Variants in HLCS observed in about 807,000 individuals in gnomAD.
HLCS encodes biotin--protein ligase.
HLCS carries 53 observed loss-of-function variants against 75.0 expected under a neutral mutation model. The ratio of observed to expected loss-of-function variants is 0.71; its 90% CI spans 0.57 to 0.89. HLCS has a LOEUF of 0.89. Among genes scored for constraint, HLCS ranks in the 40% least tolerant of loss-of-function variants. HLCS has a pLI of 0.00. For synonymous variants in HLCS, 431 were observed against 428.6 expected (o/e 1.01, Z -0.07); for missense variants, 966 against 1,074.0 (o/e 0.90, Z 1.41).
At chr21:36,870,237 C>T (rs1416991544) in intron 6 of HLCS, among the ~76,000 whole-genome samples, 1 of 152,054 alleles carries the variant, frequency 6.6e-6, no homozygotes, top group Non-Finnish European at 1.5e-5. Flanking sequence ...TGAGAAGCTG[C>T]GTCTGGACCA....
At chr21:36,770,788 G>A (rs2060180757) in intron 6 of HLCS, among the ~76,000 whole-genome samples, 1 of 151,912 alleles carries the variant, frequency 6.6e-6, no homozygotes, top group African/African-American at 2.4e-5. Context: ...CCCAGGCTGG[G>A]TAACCTTTTG....
In HLCS at chr21:36,821,427, G is replaced by A. The variant is rs563173958; in HGVS notation, c.1893-54142C>T. 7.9e-5 allele frequency among the ~76,000 whole-genome samples: 12 copies of A among 152,328 alleles called. No homozygotes were observed. The South Asian group carries it at 1.2e-3, about 16-fold the overall frequency. On this transcript the variant is annotated intron_variant, in intron 6 of 10. Transcript: ENST00000674895. The stretch of plus-strand genomic sequence containing the variant: ...GGTTGACTACAATTGCTAGACATCC[G>A]TTCATTCACTTATTCATTCAGTTCA...
intron 1 of HLCS, among the ~76,000 whole-genome samples, chr21:36,964,652 T>G (rs917411979): frequency 6.6e-5 from 10 of 152,110 alleles, no homozygotes; most frequent in African/African-American, 2.4e-4. Context: ...AGTTACAGAA[T>G]CCATGAAAGC....
At chr21:36,906,070 C>CAAAAAAAAAAAAAAAAAAAAAAA (rs2065442294) in intron 5 of HLCS, among the ~76,000 whole-genome samples, 1 of 128,754 alleles carries the variant, frequency 7.8e-6, no homozygotes, top group Non-Finnish European at 1.7e-5. Flanking sequence ...AAAAACAAAA[C>CAAAAAAAAAAAAAAAAAAAAAAA]AAAAATTGGG....
intron 6 of HLCS, among the ~76,000 whole-genome samples, chr21:36,774,701 G>A (rs2060305297): frequency 6.6e-6 from 1 of 152,270 alleles, no homozygotes; most frequent in Middle Eastern, 3.4e-3. Context: ...ACACACTAAG[G>A]TGATCTCTAT....
chr21:36,908,391 TAA>T (rs58309194), intron 5 of HLCS, among the ~76,000 whole-genome samples: 18 of 141,992 alleles, frequency 1.3e-4, no homozygotes, highest in Admixed American at 2.1e-4. Flanking sequence ...TCCTGTCTCT[TAA>T]AAAAAAAAAA....
intron 10 of HLCS, among the ~76,000 whole-genome samples, chr21:36,755,176 T>A (rs2089513444): frequency 6.6e-6 from 1 of 151,996 alleles, no homozygotes; most frequent in Admixed American, 6.6e-5. Flanking sequence ...GTGGGAGGAT[T>A]GCTTGAGGCC....
At chr21:36,829,104 C>T (rs1008491060) in intron 6 of HLCS, among the ~76,000 whole-genome samples, 2 of 152,186 alleles carry the variant, frequency 1.3e-5, no homozygotes, top group African/African-American at 4.8e-5. Flanking sequence ...TGGATTCTTG[C>T]TGTTAGGATC....
At chr21:36,797,167 T>C (rs953677463) in intron 6 of HLCS, among the ~76,000 whole-genome samples, 7 of 152,140 alleles carry the variant, frequency 4.6e-5, no homozygotes, top group Non-Finnish European at 8.8e-5. Flanking sequence ...GCTCCCAGCC[T>C]ATCACGATCT....
chr21:36,854,284 A>T (rs960877255), intron 6 of HLCS, among the ~76,000 whole-genome samples: 4 of 152,248 alleles, frequency 2.6e-5, no homozygotes, highest in African/African-American at 7.2e-5. Context: ...TACACAACTA[A>T]GAACACTGAA....
intron 6 of HLCS, among the ~76,000 whole-genome samples, chr21:36,848,968 A>C (rs949512984): frequency 2.0e-5 from 3 of 152,262 alleles, no homozygotes; most frequent in Admixed American, 1.3e-4. Context: ...TAGTTAATGA[A>C]GGAGAAAATG....
intron 7 of HLCS, 107 bp from the exon 8 acceptor site, chr21:36,765,279 T>TGCTTATTGAATTACAAC: frequency 9.7e-7 from 1 of 1,036,034 alleles, no homozygotes; most frequent in Non-Finnish European, 1.5e-6. Context: ...CTTATTACAA[T>TGCTTATTGAATTACAAC]GCTTATTGTA....
chr21:36,821,678 T>C (rs940549474), intron 6 of HLCS, among the ~76,000 whole-genome samples: 1 of 152,216 alleles, frequency 6.6e-6, no homozygotes, highest in South Asian at 2.1e-4. Context: ...CTATATGATA[T>C]TTAAGCATGT....
At chr21:36,820,982 G>C (rs1601394987) in intron 6 of HLCS, among the ~76,000 whole-genome samples, 1 of 152,336 alleles carries the variant, frequency 6.6e-6, no homozygotes, top group Non-Finnish European at 1.5e-5. Context: ...ACTAGTGCCA[G>C]CCCTAGCGCC....
At position 36,966,548 on chromosome 21, in the gene HLCS, C is replaced by T; in HGVS notation, c.91G>A (p.Ala31Thr). The T allele has an allele frequency of 1.1e-5, 11 of 1,001,404 alleles. No individual in the cohort carries two copies. The South Asian group carries it at 3.9e-4, about 36-fold the overall frequency. 62.0% of individuals were successfully genotyped at this position (1,001,404 alleles called of 1,614,324 possible). The stretch of plus-strand genomic sequence containing the variant: ...CAGAAGGTGAAGGAACAGCGCGAGG[C>T]ACGCAGCCGCCGCACCGTGGCGCGC... The part of the protein sequence containing the change: ...LVRATVRRLR[A>T]SRCSFTFCGA... Residue 31 changes from alanine to threonine, a missense_variant, in exon 1 of 11, where the codon GCC (alanine) becomes ACC (threonine). Ala to Thr is a moderately conservative substitution (Grantham distance 58, BLOSUM62 0). Transcript: ENST00000674895.
chr21:36,765,002 C>T lies in HLCS; in HGVS notation c.2121+10G>A, dbSNP rs2145767655. ...CCCAGGGACATAGAAGGAGACTGAA[C>T]TGTACCTACCTGATACTCGGGAATG... On this transcript the variant is annotated intron_variant, in intron 8 of 10. Transcript: ENST00000674895. The T allele has an allele frequency of 1.2e-6, 2 of 1,614,094 alleles. No homozygotes were observed. The highest frequency in any genetic ancestry group is 2.2e-5 in the South Asian group (2 of 91,086).
chr21:36,886,047 T>C (rs181637474), intron 6 of HLCS, among the ~76,000 whole-genome samples: 1 of 151,704 alleles, frequency 6.6e-6, no homozygotes, highest in Non-Finnish European at 1.5e-5. Context: ...TACCCCAGCT[T>C]TTCTACCATG....
rs151186758 is a variant in HLCS, at chr21:36,914,135, A to G, written c.1620+16116T>C. 7.1e-4 allele frequency among the ~76,000 whole-genome samples: 108 copies of G among 152,354 alleles called. 2 individuals are homozygous for G. The East Asian group carries it at 0.012, about 17-fold the overall frequency. Reference sequence around the variant, plus strand: ...GTGCAGCCAGTGATGAGAAACATCCAGAGTTAGGAGCACGGGAGCCCAGGG... The same window carrying G: ...GTGCAGCCAGTGATGAGAAACATCCGGAGTTAGGAGCACGGGAGCCCAGGG... On this transcript the variant is annotated intron_variant, in intron 5 of 10. Transcript: ENST00000674895.
chr21:36,822,764 G>A (rs2061886303), intron 6 of HLCS, among the ~76,000 whole-genome samples: 1 of 152,070 alleles, frequency 6.6e-6, no homozygotes, highest in Non-Finnish European at 1.5e-5. Flanking sequence ...GGTTATGCAG[G>A]CCAATTATCC....
Sources: gnomAD v4.1 joint callset for allele counts (sites outside exome capture counted in the v4.1 genomes callset) on GRCh38, gnomAD v4.1.1 for gene constraint, MANE v1.5 for transcripts, NCBI Gene and HGNC (gene_info 2026-07-23, HGNC 2026-07-21) for gene names.